MSI2: variants seen among roughly 807,000 people sequenced by gnomAD.
The protein encoded by MSI2 is musashi RNA binding protein 2.
In MSI2, 17 loss-of-function variants were observed where a neutral mutation model predicts 45.6. The observed-to-expected ratio is 0.37, with a 90% CI of 0.26 to 0.56. The LOEUF (loss-of-function observed/expected upper bound fraction) is 0.56, where lower values mean the gene tolerates loss of function less well. Ranked by LOEUF, MSI2 falls within the 20% of genes least tolerant of loss-of-function variation. The pLI is 0.77. For synonymous variants in MSI2, 156 were observed against 158.2 expected (o/e 0.99, Z 0.11); for missense variants, 293 against 444.2 (o/e 0.66, Z 3.06).
intron 11 of MSI2, among the ~76,000 whole-genome samples, chr17:57,663,749 A>G (rs1912174270): frequency 1.3e-5 from 2 of 152,120 alleles, no homozygotes; most frequent in African/African-American, 4.8e-5. Context: ...CAGGTGTGTA[A>G]AATAGTCGTT....
At chr17:57,317,810 C>T (rs1361633077) in intron 5 of MSI2, among the ~76,000 whole-genome samples, 1 of 152,142 alleles carries the variant, frequency 6.6e-6, no homozygotes, top group Non-Finnish European at 1.5e-5. Flanking sequence ...GGTGCCCCAG[C>T]CTCAGAATGT....
intron 8 of MSI2, among the ~76,000 whole-genome samples, chr17:57,597,539 T>C (rs554666751): frequency 6.8e-6 from 1 of 147,820 alleles, no homozygotes; most frequent in East Asian, 2.0e-4. Context: ...GGTGAGAGGA[T>C]CACCTGACCC....
At chr17:57,669,054 G>A (rs1912584653) in intron 11 of MSI2, among the ~76,000 whole-genome samples, 1 of 152,216 alleles carries the variant, frequency 6.6e-6, no homozygotes, top group Non-Finnish European at 1.5e-5. Context: ...GCAGACTCCT[G>A]AAGTATAATC....
intron 6 of MSI2, among the ~76,000 whole-genome samples, chr17:57,494,330 C>T (rs1464930366): frequency 6.6e-6 from 1 of 152,178 alleles, no homozygotes; most frequent in Non-Finnish European, 1.5e-5. Flanking sequence ...TTCTGGACTC[C>T]CATGCCCAAC....
intron 7 of MSI2, among the ~76,000 whole-genome samples, chr17:57,543,594 A>T (rs1003745619): frequency 6.6e-6 from 1 of 152,198 alleles, no homozygotes; most frequent in Non-Finnish European, 1.5e-5. Context: ...CTTTTAATTA[A>T]GTTGATTCAT....
Position 57,321,327 on chromosome 17 carries a change from C to T in MSI2, c.312+59135C>T, listed in dbSNP as rs1449562610. ...CAGAGAGGGATGGTAATTATAGATG[C>T]TTTAGGAGCCGCCATTTGCTTCACA... On this transcript the variant is annotated intron_variant, in intron 5 of 13. Coordinates refer to ENST00000284073, the MANE Select transcript of MSI2 (RefSeq NM_138962.4). Among the ~76,000 whole-genome samples, 4 of 151,956 alleles carry T rather than the reference C, an allele frequency of 2.6e-5. No homozygotes were observed. In the East Asian group the frequency reaches 5.8e-4, roughly 22 times the overall value.
chr17:57,556,938 A>C (rs913890778), intron 7 of MSI2, among the ~76,000 whole-genome samples: 2 of 152,186 alleles, frequency 1.3e-5, no homozygotes, highest in Non-Finnish European at 2.9e-5. Flanking sequence ...GCATGCTGTC[A>C]TGGCCACCTT....
intron 6 of MSI2, among the ~76,000 whole-genome samples, chr17:57,513,663 G>A (rs1443475213): frequency 6.6e-6 from 1 of 152,144 alleles, no homozygotes; most frequent in Non-Finnish European, 1.5e-5. Context: ...TAGGGCGGAG[G>A]GGCTCCTTCA....
chr17:57,450,113 C>G (rs1236820034), intron 6 of MSI2: 1 of 152,008 alleles, frequency 6.6e-6, no homozygotes, highest in African/African-American at 2.4e-5. Context: ...TTTATAGGCA[C>G]TAGAATTTGA....
At chr17:57,361,078 G>A (rs1296602299) in intron 5 of MSI2, among the ~76,000 whole-genome samples, 1 of 152,078 alleles carries the variant, frequency 6.6e-6, no homozygotes, top group Non-Finnish European at 1.5e-5. Context: ...CTGAGTGGGG[G>A]GTATGTTGTG....
At chr17:57,306,415 C>T (rs978056935) in intron 5 of MSI2, among the ~76,000 whole-genome samples, 5 of 152,162 alleles carry the variant, frequency 3.3e-5, no homozygotes, top group African/African-American at 1.2e-4. Flanking sequence ...AGTCACAAAA[C>T]GAAGTCCTGT....
At chr17:57,651,424 C>A (rs547529217) in intron 10 of MSI2, among the ~76,000 whole-genome samples, 3 of 152,158 alleles carry the variant, frequency 2.0e-5, no homozygotes, top group Non-Finnish European at 4.4e-5. Flanking sequence ...CAGGGCTCAC[C>A]CCACATAGAC....
Position 57,555,422 on chromosome 17 carries a change from C to G in MSI2, c.454+25698C>G, listed in dbSNP as rs537571934. On this transcript the variant is annotated intron_variant, in intron 7 of 13. Transcript: ENST00000284073. ...GCCTCAGTGTGGCCTCCAGGGTAGG[C>G]GTGATGGAGCCTACCTCTCCATTCC... 1.2e-3 allele frequency among the ~76,000 whole-genome samples: 177 copies of G among 152,294 alleles called. 2 individuals carry two copies. Among genetic ancestry groups the G allele is most frequent in the Admixed American group, 2.2e-3 (34 of 15,306 alleles).
chr17:57,554,910 C>T lies in MSI2; in HGVS notation c.454+25186C>T, dbSNP rs556140522. On this transcript the variant is annotated intron_variant, in intron 7 of 13. Coordinates refer to ENST00000284073, the MANE Select transcript of MSI2 (RefSeq NM_138962.4). ...TTCATTCTTGAGGCATGAGCAGCGC[C>T]TGCAGCCCCTGCTGGGATGTTTTGC... Among the ~76,000 whole-genome samples the T allele has an allele frequency of 6.6e-5, 10 of 152,392 alleles. 1 individual carries two copies. The highest frequency in any genetic ancestry group is 6.5e-4 in the Admixed American group (10 of 15,306).
At chr17:57,535,316 A>T in intron 7 of MSI2, among the ~76,000 whole-genome samples, 1 of 152,192 alleles carries the variant, frequency 6.6e-6, no homozygotes, top group East Asian at 1.9e-4. Context: ...AGCCCTGCAC[A>T]GCTGGGTTCC....
intron 5 of MSI2, among the ~76,000 whole-genome samples, chr17:57,298,136 C>T (rs1306862385): frequency 6.6e-6 from 1 of 151,856 alleles, no homozygotes; most frequent in East Asian, 1.9e-4. Context: ...TCACTATGTC[C>T]AGATTTATCA....
intron 7 of MSI2, among the ~76,000 whole-genome samples, chr17:57,559,858 G>A (rs748006019): frequency 2.0e-5 from 3 of 152,244 alleles, no homozygotes; most frequent in African/African-American, 2.4e-5. Context: ...AGGCTGCCCC[G>A]TGCCCCTGCA....
At chr17:57,545,112 A>G (rs2087133686) in intron 7 of MSI2, among the ~76,000 whole-genome samples, 1 of 152,154 alleles carries the variant, frequency 6.6e-6, no homozygotes, top group Non-Finnish European at 1.5e-5. Context: ...TAGAGAAAGG[A>G]AAGATTTTCA....
At chr17:57,698,926 T>TTTGTGCGC in the MSI2 span, among the ~76,000 whole-genome samples, 1 of 134,108 alleles carries the variant, frequency 7.5e-6, no homozygotes, top group African/African-American at 3.2e-5. Flanking sequence ...TGTGTGTGTG[T>TTTGTGCGC]GTGTGTGTGT....
Sources: gnomAD v4.1 joint callset for allele counts (sites outside exome capture counted in the v4.1 genomes callset) on GRCh38, gnomAD v4.1.1 for gene constraint, MANE v1.5 for transcripts, NCBI Gene and HGNC (gene_info 2026-07-23, HGNC 2026-07-21) for gene names.